Variants in THUMPD3 observed in about 807,000 individuals in gnomAD.
The protein encoded by THUMPD3 is tRNA (guanine(6)-N(2))-methyltransferase THUMP3.
In THUMPD3, 44 loss-of-function variants were observed where a neutral mutation model predicts 54.5. The ratio of observed to expected loss-of-function variants is 0.81; its 90% CI spans 0.63 to 1.04. The LOEUF is 1.04. THUMPD3 is among the 50% of genes least tolerant of loss of function. The pLI, the probability that THUMPD3 is intolerant of heterozygous loss-of-function variation, is 0.00. For missense variants in THUMPD3, 604 were observed against 601.3 expected (o/e 1.00, Z -0.05); for synonymous variants, 196 against 201.4 (o/e 0.97, Z 0.23).
At chr3:9,367,105 G>A in intron 3 of THUMPD3, 120 bp downstream of exon 3, 2 of 698,708 alleles carry the variant, frequency 2.9e-6, no homozygotes, top group Admixed American at 3.2e-5. Context: ...AGAATACTGG[G>A]AGGCTTTTAC....
At chr3:9,371,620 A>G (rs1227115236) in intron 4 of THUMPD3, 84 bp downstream of exon 4, 10 of 1,169,966 alleles carry the variant, frequency 8.5e-6, no homozygotes, top group Middle Eastern at 2.0e-4. Flanking sequence ...GTTATGCACA[A>G]TTAAACTGAG....
In THUMPD3 at chr3:9,384,529, A is replaced by G. The variant is rs1364333237; in HGVS notation, c.1365A>G (p.Leu455=). 3.1e-6 allele frequency: 5 copies of G among 1,614,080 alleles called. No homozygotes were observed. In the African/African-American group the frequency reaches 6.7e-5, roughly 22 times the overall value. Residue 455 remains leucine, a synonymous_variant, in exon 10 of 10, where the codon TTA becomes TTG. Transcript: ENST00000452837. Reference sequence around the variant, plus strand: ...TTTTTTTTGTGTGTACACAGGCGTTATCTGGAATGCGACACGTATGGCGAA... The same window carrying G: ...TTTTTTTTGTGTGTACACAGGCGTTGTCTGGAATGCGACACGTATGGCGAA... ...TQDTKCFTKA[L]SGMRHVWRKV...
rs768783265 is a variant in THUMPD3, at chr3:9,384,226, A to G, written c.1250A>G (p.Lys417Arg). The G allele has an allele frequency of 2.0e-5, 33 of 1,613,970 alleles. No homozygotes were observed. The Admixed American group carries it at 3.7e-4, about 18-fold the overall frequency. Residue 417 changes from lysine (K) to arginine (R), a missense_variant, in exon 9 of 10, where the codon AAG becomes AGG. Physicochemically the swap from Lys to Arg is conservative, Grantham distance 26. Coordinates refer to ENST00000452837, the MANE Select transcript of THUMPD3 (RefSeq NM_001114092.2). Reference sequence around the variant, plus strand: ...TTCTATTATAGGATGGGATCCAAGAAGAGAAACTGGAACCTTTATCCAGCT... The same window carrying G: ...TTCTATTATAGGATGGGATCCAAGAGGAGAAACTGGAACCTTTATCCAGCT... ...LPFGKRMGSK[K>R]RNWNLYPACL...
At chr3:9,376,655 G>C (rs1004939823) in intron 5 of THUMPD3, among the ~76,000 whole-genome samples, 9 of 152,166 alleles carry the variant, frequency 5.9e-5, no homozygotes, top group African/African-American at 2.2e-4. Context: ...TTGTGAGGGA[G>C]ATAAATAGTT....
intron 4 of THUMPD3, 72 bp downstream of exon 4, chr3:9,371,608 A>G (rs1252052930): frequency 1.6e-5 from 20 of 1,265,088 alleles, no homozygotes; most frequent in Admixed American, 1.4e-4. Context: ...GACTAACCCA[A>G]TGTTATGCAC....
intron 2 of THUMPD3, among the ~76,000 whole-genome samples, chr3:9,366,333 C>T (rs1344127682): frequency 6.6e-6 from 1 of 151,928 alleles, no homozygotes; most frequent in Non-Finnish European, 1.5e-5. Flanking sequence ...TTTTTTTCCA[C>T]CAATATATCC....
intron 5 of THUMPD3, among the ~76,000 whole-genome samples, chr3:9,377,214 G>T (rs993713750): frequency 6.6e-6 from 1 of 152,096 alleles, no homozygotes; most frequent in Non-Finnish European, 1.5e-5. Flanking sequence ...GTGTGTGTGT[G>T]TGTGTGTGTA....
intron 3 of THUMPD3, among the ~76,000 whole-genome samples, chr3:9,367,958 A>G (rs1039532387): frequency 1.3e-5 from 2 of 152,054 alleles, no homozygotes; most frequent in African/African-American, 4.8e-5. Flanking sequence ...CCAGCTACTC[A>G]GGAGGCTGAG....
At chr3:9,382,769 C>G (rs1195603309) in intron 7 of THUMPD3, 4 of 152,878 alleles carry the variant, frequency 2.6e-5, no homozygotes, top group Non-Finnish European at 4.4e-5. Flanking sequence ...CTCTGTCACC[C>G]AGGCTGGAGT....
chr3:9,382,351 G>A (rs1456151535), intron 7 of THUMPD3, among the ~76,000 whole-genome samples: 1 of 151,800 alleles, frequency 6.6e-6, no homozygotes, highest in Non-Finnish European at 1.5e-5. Context: ...TTAATGAGGA[G>A]GATTTAAATC....
chr3:9,366,827 A>G (rs1312414129), intron 2 of THUMPD3, 81 bp from the exon 3 acceptor site: 5 of 1,151,612 alleles, frequency 4.3e-6, no homozygotes, highest in African/African-American at 1.6e-5. Context: ...TATCATTCCT[A>G]ATTTTTTAAA....
At chr3:9,368,360 ATTTT>A (rs764732133) in intron 3 of THUMPD3, among the ~76,000 whole-genome samples, 27 of 116,908 alleles carry the variant, frequency 2.3e-4, no homozygotes, top group African/African-American at 7.5e-4. Flanking sequence ...ACCCGCGCAT[ATTTT>A]TTTTTTTTTT....
At chr3:9,374,820 C>T (rs1282576268) in intron 5 of THUMPD3, among the ~76,000 whole-genome samples, 174 bp downstream of exon 5, 1 of 152,074 alleles carries the variant, frequency 6.6e-6, no homozygotes, top group Non-Finnish European at 1.5e-5. Flanking sequence ...ATATTGACTC[C>T]TTGTGATCTG....
In THUMPD3 at chr3:9,384,728, G is replaced by C. The variant is rs897667967; in HGVS notation, c.*40G>C. On this transcript the variant is annotated 3_prime_UTR_variant, in exon 10 of 10. Coordinates refer to ENST00000452837, the MANE Select transcript of THUMPD3 (RefSeq NM_001114092.2). Reference sequence around the variant, plus strand: ...ACTTGTACTTCCCACCACTGGAAATGTTAGCATAAAAGAACTTGGAGAGGA... The same window carrying C: ...ACTTGTACTTCCCACCACTGGAAATCTTAGCATAAAAGAACTTGGAGAGGA... The C allele has an allele frequency of 1.2e-5, 20 of 1,609,098 alleles. No individual in the cohort carries two copies. Among genetic ancestry groups the C allele is most frequent in the Non-Finnish European group, 1.7e-5 (20 of 1,176,604 alleles).
At chr3:9,371,019 G>A (rs1292333596) in intron 3 of THUMPD3, 41 bp from the exon 4 acceptor site, 1 of 1,444,910 alleles carries the variant, frequency 6.9e-7, no homozygotes, top group South Asian at 1.4e-5. Flanking sequence ...TTTGATTATA[G>A]TGGTGAGAAA....
At chr3:9,367,170 T>A (rs1355611961) in intron 3 of THUMPD3, among the ~76,000 whole-genome samples, 185 bp downstream of exon 3, 1 of 152,248 alleles carries the variant, frequency 6.6e-6, no homozygotes. Context: ...TTTTGAAAAT[T>A]AGTATTGAAA....
chr3:9,365,409 T>A, intron 2 of THUMPD3, 89 bp downstream of exon 2: 1 of 1,457,306 alleles, frequency 6.9e-7, no homozygotes, highest in Non-Finnish European at 9.3e-7. Flanking sequence ...GAATCCTTTC[T>A]GATTTTCATT....
At chr3:9,371,634 A>C in intron 4 of THUMPD3, 98 bp downstream of exon 4, 1 of 1,055,574 alleles carries the variant, frequency 9.5e-7, no homozygotes, top group East Asian at 2.4e-5. Flanking sequence ...AACTGAGGAA[A>C]TAGTAGGGTG....
intron 1 of THUMPD3, among the ~76,000 whole-genome samples, chr3:9,364,522 T>C (rs1242944354): frequency 2.0e-5 from 3 of 152,058 alleles, no homozygotes; most frequent in Admixed American, 2.0e-4. Flanking sequence ...AATGTTTGTA[T>C]TTTTAGTAGA....
Sources: gnomAD v4.1 joint callset for allele counts (sites outside exome capture counted in the v4.1 genomes callset) on GRCh38, gnomAD v4.1.1 for gene constraint, MANE v1.5 for transcripts, NCBI Gene and HGNC (gene_info 2026-07-23, HGNC 2026-07-21) for gene names.